TPRG1: variants seen among roughly 807,000 people sequenced by gnomAD.
TPRG1 encodes tumor protein p63 regulated 1.
In TPRG1, 29 loss-of-function variants were observed where a neutral mutation model predicts 29.3. That is an observed-to-expected ratio of 0.99 (90% CI 0.74 to 1.35). The LOEUF (loss-of-function observed/expected upper bound fraction) is 1.35, where lower values mean the gene tolerates loss of function less well. Among genes scored for constraint, TPRG1 ranks in the 40% most tolerant of loss-of-function variants. TPRG1 has a pLI of 0.00. For missense variants in TPRG1, 327 were observed against 335.0 expected (o/e 0.98, Z 0.19); for synonymous variants, 130 against 116.8 (o/e 1.11, Z -0.73).
chr3:189,027,723 A>G (rs138696639), intron 4 of TPRG1, among the ~76,000 whole-genome samples: 6 of 152,240 alleles, frequency 3.9e-5, no homozygotes, highest in African/African-American at 1.4e-4. Flanking sequence ...TCCCCAAATC[A>G]TATGTTTTGT....
chr3:189,104,382 G>A (rs1400506282), intron 1 of TPRG1, among the ~76,000 whole-genome samples: 6 of 152,136 alleles, frequency 3.9e-5, no homozygotes, highest in African/African-American at 1.4e-4. Context: ...GGGAAATTAA[G>A]GGAGAATTTA....
chr3:189,201,439 G>T (rs1247175675), intron 1 of TPRG1, among the ~76,000 whole-genome samples: 3 of 152,168 alleles, frequency 2.0e-5, no homozygotes, highest in Non-Finnish European at 4.4e-5. Context: ...GTTGCAGCTG[G>T]TCCGGTAGGC....
intron 4 of TPRG1, among the ~76,000 whole-genome samples, chr3:189,073,558 T>A (rs1349074746): frequency 6.6e-6 from 1 of 152,206 alleles, no homozygotes; most frequent in African/African-American, 2.4e-5. Context: ...GTTCATTTTT[T>A]TCTGTTTGTA....
At chr3:189,229,307 G>A (rs1738274160) in intron 3 of TPRG1, among the ~76,000 whole-genome samples, 1 of 151,730 alleles carries the variant, frequency 6.6e-6, no homozygotes, top group South Asian at 2.1e-4. Flanking sequence ...AAAAAAAATA[G>A]CTAAAGCAAT....
chr3:189,209,268 T>C (rs1425317151), intron 2 of TPRG1, among the ~76,000 whole-genome samples: 1 of 152,202 alleles, frequency 6.6e-6, no homozygotes, highest in Non-Finnish European at 1.5e-5. Context: ...GCCATGAACA[T>C]GAGTTGTCAC....
intron 1 of TPRG1, among the ~76,000 whole-genome samples, chr3:189,180,246 T>G (rs2108691423): frequency 6.6e-6 from 1 of 152,218 alleles, no homozygotes; most frequent in Non-Finnish European, 1.5e-5. Flanking sequence ...TCATTCCACC[T>G]CTGGTCGCTC....
At chr3:189,231,160 C>G (rs755275949) in intron 3 of TPRG1, among the ~76,000 whole-genome samples, 1 of 151,982 alleles carries the variant, frequency 6.6e-6, no homozygotes, top group Non-Finnish European at 1.5e-5. Flanking sequence ...TTAAGTATAA[C>G]TTCCAGTAAC....
chr3:189,288,349 C>T (rs577751662), intron 4 of TPRG1, among the ~76,000 whole-genome samples: 34 of 152,010 alleles, frequency 2.2e-4, no homozygotes, highest in African/African-American at 5.5e-4. Context: ...GAAGTAAAAA[C>T]AAAACTTCAA....
intron 4 of TPRG1, among the ~76,000 whole-genome samples, chr3:189,272,182 C>T (rs1715262514): frequency 6.6e-6 from 1 of 152,214 alleles, no homozygotes; most frequent in Admixed American, 6.5e-5. Context: ...TTATAGCATG[C>T]TTTTCCCATA....
intron 1 of TPRG1, among the ~76,000 whole-genome samples, chr3:189,204,012 G>A (rs916494641): frequency 2.3e-5 from 3 of 130,412 alleles, no homozygotes; most frequent in African/African-American, 6.0e-5. Flanking sequence ...CTGCACTTCA[G>A]CCTGGTGACA....
At chr3:189,184,858 G>A (rs150283129) in intron 1 of TPRG1, among the ~76,000 whole-genome samples, 16 of 152,314 alleles carry the variant, frequency 1.1e-4, no homozygotes, top group African/African-American at 2.9e-4. Context: ...AGTGTTAGCA[G>A]TGGGGGTGAG....
At chr3:189,125,620 A>C (rs1299759884) in intron 1 of TPRG1, among the ~76,000 whole-genome samples, 1 of 152,066 alleles carries the variant, frequency 6.6e-6, no homozygotes, top group Non-Finnish European at 1.5e-5. Context: ...TGGTCTCTCT[A>C]TTCATATGTC....
chr3:189,082,477 G>A (rs1206748658), intron 4 of TPRG1, among the ~76,000 whole-genome samples: 1 of 152,122 alleles, frequency 6.6e-6, no homozygotes, highest in African/African-American at 2.4e-5. Context: ...ACAACAGTTG[G>A]TAAGTCCTAT....
At chr3:189,061,979 A>T (rs1716138323) in intron 4 of TPRG1, among the ~76,000 whole-genome samples, 1 of 152,334 alleles carries the variant, frequency 6.6e-6, no homozygotes, top group Middle Eastern at 3.4e-3. Context: ...ATAAAGACAC[A>T]TGCCTGTGAA....
At chr3:189,268,525 CAGAG>C (rs1184211767) in intron 4 of TPRG1, among the ~76,000 whole-genome samples, 2 of 152,162 alleles carry the variant, frequency 1.3e-5, no homozygotes, top group African/African-American at 2.4e-5. Flanking sequence ...AGAATTCCTG[CAGAG>C]GGCAGGATCC....
chr3:189,228,142 A>G (rs1738067622), intron 3 of TPRG1, among the ~76,000 whole-genome samples: 1 of 152,164 alleles, frequency 6.6e-6, no homozygotes, highest in Non-Finnish European at 1.5e-5. Context: ...CAATAGCAAC[A>G]ACGACGACAA....
chr3:189,318,190 A>C lies in TPRG1; in HGVS notation c.634-2436A>C, dbSNP rs142074464. On this transcript the variant is annotated intron_variant, in intron 5 of 5. Transcript: ENST00000345063. ...GGGAGGAGGATAGGGAGGCTGCTTA[A>C]CATCCTAACATGCAGAAGACATTCT... 1.8e-4 allele frequency among the ~76,000 whole-genome samples: 27 copies of C among 152,260 alleles called. No individual in the cohort carries two copies. The East Asian group carries it at 4.4e-3, about 25-fold the overall frequency.
rs143117603 is a variant in TPRG1, at chr3:189,239,559, C to T, written c.479+650C>T. ...TGCACTCAACCTAATTTGTGTGTCACGTAATCAGAGAAAACTTTCAGAAGA... is the reference window on the plus strand; with the variant it reads ...TGCACTCAACCTAATTTGTGTGTCATGTAATCAGAGAAAACTTTCAGAAGA... On this transcript the variant is annotated intron_variant, in intron 4 of 5. Coordinates refer to ENST00000345063, the MANE Select transcript of TPRG1 (RefSeq NM_198485.4). 3.3e-5 allele frequency among the ~76,000 whole-genome samples: 5 copies of T among 152,176 alleles called. No individual in the cohort carries two copies. The East Asian group carries it at 7.7e-4, about 24-fold the overall frequency.
intron 3 of TPRG1, 130 bp from the exon 4 acceptor site, chr3:189,238,603 T>C (rs1410738426): frequency 3.0e-6 from 2 of 673,524 alleles, no homozygotes; most frequent in African/African-American, 3.7e-5. Flanking sequence ...TGGTATTAGG[T>C]ATTTCTCAGC....
Sources: gnomAD v4.1 joint callset for allele counts (sites outside exome capture counted in the v4.1 genomes callset) on GRCh38, gnomAD v4.1.1 for gene constraint, MANE v1.5 for transcripts, NCBI Gene and HGNC (gene_info 2026-07-23, HGNC 2026-07-21) for gene names.